The following SLCO5A1 variants were observed in gnomAD, a reference collection of about 807,000 sequenced individuals.
SLCO5A1 encodes organic anion transporter polypeptide-related protein 4.
Under a neutral mutation model 65.1 loss-of-function variants are expected in SLCO5A1, and 39 were observed. The observed-to-expected ratio is 0.60, with a 90% CI of 0.46 to 0.78. The LOEUF is 0.78. SLCO5A1 is among the 30% of genes least tolerant of loss of function. The probability of loss-of-function intolerance (pLI) is 0.00; values close to 1 mark genes in which losing one functional copy is unlikely to be tolerated. For missense variants in SLCO5A1, 1,029 were observed against 1,069.4 expected (o/e 0.96, Z 0.53); for synonymous variants, 438 against 415.7 (o/e 1.05, Z -0.65).
intron 3 of SLCO5A1, among the ~76,000 whole-genome samples, chr8:69,756,031 A>G (rs956463461): frequency 3.3e-5 from 5 of 150,430 alleles, no homozygotes; most frequent in Non-Finnish European, 7.4e-5. Context: ...GTGGACCAAT[A>G]TAGACTTTTT....
At position 69,747,860 on chromosome 8, in the gene SLCO5A1, T is replaced by C. The variant is rs897057467; in HGVS notation, c.1258+7564A>G. Among the ~76,000 whole-genome samples, 15 of 152,264 alleles carry C rather than the reference T, an allele frequency of 9.9e-5. 1 individual carries two copies. The highest frequency in any genetic ancestry group is 7.8e-4 in the Admixed American group (12 of 15,288). On this transcript the variant is annotated intron_variant, in intron 4 of 9. Transcript: ENST00000260126. Reference sequence around the variant, plus strand: ...AATCTTGCATGATCCTGTATGTTCTTGAGCATTTGGCAGATACAACTTTTC... The same window carrying C: ...AATCTTGCATGATCCTGTATGTTCTCGAGCATTTGGCAGATACAACTTTTC...
intron 7 of SLCO5A1, among the ~76,000 whole-genome samples, chr8:69,680,382 G>A (rs547929157): frequency 8.5e-5 from 13 of 152,236 alleles, no homozygotes; most frequent in East Asian, 5.8e-4. Flanking sequence ...GAGAACATGC[G>A]GTATTTGGTT....
At chr8:69,693,156 C>T (rs1310173509) in intron 6 of SLCO5A1, among the ~76,000 whole-genome samples, 1 of 152,234 alleles carries the variant, frequency 6.6e-6, no homozygotes, top group Non-Finnish European at 1.5e-5. Flanking sequence ...CCATCATTGA[C>T]TGAAACATTG....
At chr8:69,705,927 T>C (rs918004551) in intron 5 of SLCO5A1, among the ~76,000 whole-genome samples, 1 of 152,234 alleles carries the variant, frequency 6.6e-6, no homozygotes, top group African/African-American at 2.4e-5. Context: ...TGGCAATCAA[T>C]TCCATTCTTG....
chr8:69,810,523 G>A lies in SLCO5A1; in HGVS notation c.907+21244C>T, dbSNP rs115729979. ...CACTCAGCAAGTATGTGATATCATG[G>A]CGTGAGTGATGTTGGCCAATTTCAG... On this transcript the variant is annotated intron_variant, in intron 2 of 9. Transcript: ENST00000260126. Among the ~76,000 whole-genome samples the A allele has an allele frequency of 5.5e-3, 836 of 152,308 alleles. 9 individuals are homozygous for A. Among genetic ancestry groups the A allele is most frequent in the African/African-American group, 0.019 (797 of 41,572 alleles).
intron 5 of SLCO5A1, among the ~76,000 whole-genome samples, chr8:69,715,953 C>G (rs1343880750): frequency 1.3e-5 from 2 of 152,056 alleles, no homozygotes; most frequent in Middle Eastern, 3.2e-3. Flanking sequence ...AAAGAAACAC[C>G]ACACCCATTA....
intron 7 of SLCO5A1, 92 bp from the exon 8 acceptor site, chr8:69,679,711 A>T: frequency 6.7e-7 from 1 of 1,500,192 alleles, no homozygotes; most frequent in Non-Finnish European, 9.0e-7. Context: ...AAGTACTCTA[A>T]AATAGCTCAA....
At chr8:69,779,177 T>G (rs1161843200) in intron 2 of SLCO5A1, among the ~76,000 whole-genome samples, 1 of 152,196 alleles carries the variant, frequency 6.6e-6, no homozygotes, top group Admixed American at 6.5e-5. Flanking sequence ...TATTAAGCAT[T>G]TACTGTGTTC....
chr8:69,719,145 T>A (rs1815701477), intron 5 of SLCO5A1, among the ~76,000 whole-genome samples: 1 of 152,228 alleles, frequency 6.6e-6, no homozygotes, highest in Admixed American at 6.5e-5. Context: ...TCAGTTCACC[T>A]TGCTCTCTGA....
intron 2 of SLCO5A1, among the ~76,000 whole-genome samples, chr8:69,786,438 T>A (rs1586799514): frequency 1.3e-5 from 2 of 152,290 alleles, no homozygotes; most frequent in East Asian, 1.9e-4. Context: ...AGGAGCATTT[T>A]AAAAAATAAT....
intron 2 of SLCO5A1, among the ~76,000 whole-genome samples, chr8:69,820,177 G>A (rs760853521): frequency 4.6e-5 from 7 of 152,178 alleles, no homozygotes; most frequent in Non-Finnish European, 7.3e-5. Context: ...TTGGCCAATA[G>A]GACATCCTCT....
At chr8:69,795,074 C>T (rs759872128) in intron 2 of SLCO5A1, among the ~76,000 whole-genome samples, 12 of 152,180 alleles carry the variant, frequency 7.9e-5, no homozygotes, top group Non-Finnish European at 1.5e-4. Flanking sequence ...CCACCAGGCC[C>T]CACCTCCAAC....
chr8:69,760,539 C>T (rs1356378519), intron 3 of SLCO5A1, among the ~76,000 whole-genome samples: 4 of 152,136 alleles, frequency 2.6e-5, no homozygotes, highest in Non-Finnish European at 5.9e-5. Context: ...AAAGTAATTA[C>T]TTTCTCCATG....
intron 2 of SLCO5A1, among the ~76,000 whole-genome samples, chr8:69,784,914 G>GA (rs1196989488): frequency 9.7e-6 from 1 of 103,032 alleles, no homozygotes; most frequent in Non-Finnish European, 2.0e-5. Context: ...AAGAAAGAAA[G>GA]AAAGAAAGAA....
At chr8:69,787,846 T>TC (rs149847150) in intron 2 of SLCO5A1, among the ~76,000 whole-genome samples, 1 of 152,276 alleles carries the variant, frequency 6.6e-6, no homozygotes, top group East Asian at 1.9e-4. Context: ...CTCCTTAATC[T>TC]CCCCAACAAC....
intron 2 of SLCO5A1, among the ~76,000 whole-genome samples, chr8:69,789,131 C>T (rs935914927): frequency 4.6e-5 from 7 of 152,142 alleles, no homozygotes; most frequent in Non-Finnish European, 8.8e-5. Flanking sequence ...GCAGTAAAAC[C>T]GACCCAGGAC....
chr8:69,834,741 C>CACACACAG (rs1821347421), intron 1 of SLCO5A1, 113 bp downstream of exon 1: 1 of 41,756 alleles, frequency 2.4e-5, no homozygotes, highest in African/African-American at 1.6e-4. Flanking sequence ...ATCCTACACA[C>CACACACAG]ACACACACAC....
rs1277822363 is a variant in SLCO5A1, at chr8:69,796,639, T to TAC, written c.908-34766_908-34765dup. Among the ~76,000 whole-genome samples, 100 of 149,772 alleles carry TAC rather than the reference T, an allele frequency of 6.7e-4. No homozygotes were observed. In the East Asian group the frequency reaches 0.011, roughly 17 times the overall value. ...CTCAAACATTTTATATATATATATA[T>TAC]ACACACACACATATATACATGTATA... On this transcript the variant is annotated intron_variant, in intron 2 of 9. Transcript: ENST00000260126.
chr8:69,798,117 A>C (rs1049177684), intron 2 of SLCO5A1, among the ~76,000 whole-genome samples: 3 of 152,120 alleles, frequency 2.0e-5, no homozygotes, highest in Admixed American at 1.3e-4. Flanking sequence ...AAGAACCTAC[A>C]TGAAATATCG....
Sources: allele counts gnomAD v4.1 joint callset (sites outside exome capture counted in the v4.1 genomes callset), GRCh38; gene constraint gnomAD v4.1.1; transcripts MANE v1.5; gene names NCBI Gene and HGNC (gene_info 2026-07-23, HGNC 2026-07-21).